Variants in ELP4 observed in about 807,000 individuals in gnomAD.
The protein encoded by ELP4 is elongator acetyltransferase complex subunit 4, also known as elongator complex protein 4.
ELP4 carries 51 observed loss-of-function variants against 48.9 expected under a neutral mutation model. The ratio of observed to expected loss-of-function variants is 1.04; its 90% CI spans 0.83 to 1.32. ELP4 has a LOEUF of 1.32. Among genes scored for constraint, ELP4 ranks in the 40% most tolerant of loss-of-function variants. The pLI is 0.00. For synonymous variants in ELP4, 210 were observed against 189.2 expected, an observed-to-expected ratio of 1.11 and a Z score of -0.90; for missense variants, 519 against 514.6, an observed-to-expected ratio of 1.01 and a Z score of -0.08.
intron 2 of ELP4, among the ~76,000 whole-genome samples, chr11:31,533,629 C>A (rs1182990587): frequency 6.6e-6 from 1 of 151,460 alleles, no homozygotes; most frequent in Non-Finnish European, 1.5e-5. Flanking sequence ...ACCTCGTGAT[C>A]CGCCCGCCTT....
At chr11:31,527,696 A>C (rs1006325490) in intron 2 of ELP4, among the ~76,000 whole-genome samples, 2 of 152,114 alleles carry the variant, frequency 1.3e-5, no homozygotes, top group African/African-American at 2.4e-5. Flanking sequence ...TGAAACTGGC[A>C]TAACAGGTAT....
chr11:31,632,294 A>C lies in ELP4; in HGVS notation c.816A>C (p.Ala272=). The C allele has an allele frequency of 1.2e-6, 2 of 1,613,410 alleles. No homozygotes were observed. Among genetic ancestry groups the C allele is most frequent in the Non-Finnish European group, 1.7e-6 (2 of 1,179,600 alleles). Residue 272 remains alanine (A), a synonymous_variant, in exon 7 of 10, where the codon GCA becomes GCC. Transcript: ENST00000640961. Reference sequence around the variant, plus strand: ...TATGGGGAGACGATATTTGCTGTGCAGAAAATGGTGGCAACAGTCACAGCC... The same window carrying C: ...TATGGGGAGACGATATTTGCTGTGCCGAAAATGGTGGCAACAGTCACAGCC... ...SPLWGDDICC[A]ENGGNSHSLT... is the part of the protein sequence containing the mutation.
rs533806941 is a variant in ELP4, at chr11:31,679,888, C to T, written c.1143+29667C>T. Among the ~76,000 whole-genome samples the T allele has an allele frequency of 1.7e-4, 26 of 152,280 alleles. 1 individual carries two copies. In the South Asian group the frequency reaches 5.2e-3, roughly 30 times the overall value. On this transcript the variant is annotated intron_variant, in intron 9 of 9. Coordinates refer to ENST00000640961, the MANE Select transcript of ELP4 (RefSeq NM_019040.5). The stretch of plus-strand genomic sequence containing the variant: ...AAGTTGGAAAGAACTGAAATCTTGA[C>T]AGTATTGTGTCTTTCATTCCTAGGG...
At chr11:31,548,903 T>C (rs367730669) in intron 3 of ELP4, among the ~76,000 whole-genome samples, 1 of 152,050 alleles carries the variant, frequency 6.6e-6, no homozygotes. Context: ...TCCTATTTAA[T>C]AAATGGTGCT....
intron 9 of ELP4, chr11:31,654,428 C>T (rs1203110980): frequency 6.6e-6 from 1 of 151,862 alleles, no homozygotes; most frequent in Middle Eastern, 3.4e-3. Flanking sequence ...CTCAGTACCT[C>T]TCCAGTCACC....
chr11:31,664,800 G>T (rs1945637095), intron 9 of ELP4, among the ~76,000 whole-genome samples: 1 of 152,090 alleles, frequency 6.6e-6, no homozygotes, highest in African/African-American at 2.4e-5. Context: ...TCCTTACTAT[G>T]CATCACCTTG....
chr11:31,706,253 G>T (rs1946628951), intron 9 of ELP4, among the ~76,000 whole-genome samples: 1 of 151,854 alleles, frequency 6.6e-6, no homozygotes, highest in South Asian at 2.1e-4. Flanking sequence ...ATTTCGTTGT[G>T]CTGGGAATGT....
At chr11:31,537,138 A>T (rs894000364) in intron 2 of ELP4, among the ~76,000 whole-genome samples, 1 of 152,180 alleles carries the variant, frequency 6.6e-6, no homozygotes, top group Non-Finnish European at 1.5e-5. Flanking sequence ...TTTCAAGCTA[A>T]TATTTAGTAC....
At position 31,784,354 on chromosome 11, in the gene ELP4, G is replaced by A. The variant is rs1948444129; in HGVS notation, c.*830G>A. The A allele has an allele frequency of 6.6e-6, 1 of 152,120 alleles. No individual in the cohort carries two copies. The highest frequency in any genetic ancestry group is 1.5e-5 in the Non-Finnish European group (1 of 67,976). 9.4% of individuals were successfully genotyped at this position (152,120 alleles called of 1,614,324 possible). A position where few individuals can be genotyped will look rare whatever the true frequency, so the allele number is the denominator to read the frequency against. On this transcript the variant is annotated 3_prime_UTR_variant, in exon 10 of 10. Transcript: ENST00000640961. ...TTCCATTGCATCACATAAATATTTT[G>A]TTAATAATGAACATTGGTTGAGTGT...
Position 31,603,862 on chromosome 11 carries a change from T to G in ELP4, c.608T>G (p.Phe203Cys), listed in dbSNP as rs1592151670. The G allele has an allele frequency of 1.2e-6, 2 of 1,611,930 alleles. No homozygotes were observed. The highest frequency in any genetic ancestry group is 2.7e-5 in the African/African-American group (2 of 74,978). Residue 203 changes from phenylalanine (F) to cysteine (C), a missense_variant, in exon 5 of 10, where the codon TTT (phenylalanine) becomes TGT (cysteine). Coordinates refer to ENST00000640961, the MANE Select transcript of ELP4 (RefSeq NM_019040.5). ...ATTGAGGCTTCAAATTGGCATGGATTTTTTCTTCCAGAGAAAATATCTTCA... is the reference window on the plus strand; with the variant it reads ...ATTGAGGCTTCAAATTGGCATGGATGTTTTCTTCCAGAGAAAATATCTTCA... ...ELIEASNWHG[F>C]FLPEKISSTL...
At chr11:31,547,542 A>T (rs1956752943) in intron 3 of ELP4, among the ~76,000 whole-genome samples, 1 of 152,192 alleles carries the variant, frequency 6.6e-6, no homozygotes, top group South Asian at 2.1e-4. Flanking sequence ...TTCACAGCCG[A>T]ATTCTACCAG....
At chr11:31,579,693 C>G (rs968036924) in intron 3 of ELP4, among the ~76,000 whole-genome samples, 6 of 150,094 alleles carry the variant, frequency 4.0e-5, no homozygotes, top group Admixed American at 1.3e-4. Flanking sequence ...GGACAAAAAA[C>G]CAAACACCAC....
chr11:31,601,664 G>A (rs759418030), intron 4 of ELP4, among the ~76,000 whole-genome samples: 2 of 151,944 alleles, frequency 1.3e-5, no homozygotes, highest in Non-Finnish European at 2.9e-5. Context: ...TGAGTGCATA[G>A]GACTTCAAGA....
intron 3 of ELP4, among the ~76,000 whole-genome samples, chr11:31,576,732 T>TTTGAAACC (rs1957286816): frequency 6.6e-6 from 1 of 152,158 alleles, no homozygotes; most frequent in Admixed American, 6.5e-5. Context: ...AAGGATGTTC[T>TTTGAAACC]TTGAAACCAA....
At chr11:31,551,834 A>G (rs911566507) in intron 3 of ELP4, among the ~76,000 whole-genome samples, 1 of 152,158 alleles carries the variant, frequency 6.6e-6, no homozygotes, top group African/African-American at 2.4e-5. Flanking sequence ...TTTATGAAAT[A>G]ACGGTGACAC....
At chr11:31,643,831 T>G (rs1165780637) in intron 7 of ELP4, among the ~76,000 whole-genome samples, 1 of 151,764 alleles carries the variant, frequency 6.6e-6, no homozygotes, top group African/African-American at 2.4e-5. Context: ...CTCTGAAGGT[T>G]TTTTTTTGAA....
chr11:31,686,644 G>A (rs1373064187), intron 9 of ELP4, among the ~76,000 whole-genome samples: 1 of 152,096 alleles, frequency 6.6e-6, no homozygotes, highest in Non-Finnish European at 1.5e-5. Context: ...ACTTGGGGAG[G>A]CCATGGCAGG....
chr11:31,771,380 T>C (rs1341853114), intron 9 of ELP4, among the ~76,000 whole-genome samples: 1 of 152,202 alleles, frequency 6.6e-6, no homozygotes, highest in African/African-American at 2.4e-5. Flanking sequence ...CATGACTTTG[T>C]AAGGATGTGG....
intron 5 of ELP4, 108 bp from the exon 6 acceptor site, chr11:31,627,002 T>A: frequency 1.6e-6 from 1 of 615,458 alleles, no homozygotes; most frequent in Admixed American, 2.5e-5. Context: ...TCTTAAGTAA[T>A]CTAATAAATG....
Sources: allele counts gnomAD v4.1 joint callset (sites outside exome capture counted in the v4.1 genomes callset), GRCh38; gene constraint gnomAD v4.1.1; transcripts MANE v1.5; gene names NCBI Gene and HGNC (gene_info 2026-07-23, HGNC 2026-07-21).